The following SMCHD1 variants were observed in gnomAD, a reference collection of about 807,000 sequenced individuals.
The protein encoded by SMCHD1 is structural maintenance of chromosomes flexible hinge domain containing 1, also known as structural maintenance of chromosomes flexible hinge domain-containing protein 1.
Under a neutral mutation model 254.7 loss-of-function variants are expected in SMCHD1, and 78 were observed. That is an observed-to-expected ratio of 0.31 (90% CI 0.26 to 0.37). SMCHD1 has a LOEUF of 0.37. SMCHD1 is among the 10% of genes least tolerant of loss of function. SMCHD1 has a pLI of 1.00. For synonymous variants in SMCHD1, 766 were observed against 794.9 expected, an observed-to-expected ratio of 0.96 and a Z score of 0.61; for missense variants, 1,840 against 2,408.1, an observed-to-expected ratio of 0.76 and a Z score of 4.94.
intron 7 of SMCHD1, among the ~76,000 whole-genome samples, chr18:2,693,622 T>TTTTG (rs77752065): frequency 0.19 from 28,289 of 149,308 alleles, 2,849 homozygotes; most frequent in South Asian, 0.26. Flanking sequence ...ATACCATGTT[T>TTTTG]TTTGTTTGTT....
chr18:2,750,404 A>G lies in SMCHD1; in HGVS notation c.4062A>G (p.Gly1354=). 1.2e-6 allele frequency: 2 copies of G among 1,612,536 alleles called. No homozygotes were observed. Among genetic ancestry groups the G allele is most frequent in the Non-Finnish European group, 1.7e-6 (2 of 1,178,976 alleles). ...TCTATAACAAAAGTATCATAGAAGG[A>G]CCTATAATTAAGTTAATGATTCTTC... is the stretch of plus-strand genomic sequence containing the variant. ...KAIYNKSIIE[G]PIIKLMILPD... The change falls in exon 32 of 48, where the codon GGA becomes GGG. Residue 1354 remains glycine, a synonymous_variant. Transcript: ENST00000320876.
At position 2,707,573 on chromosome 18, in the gene SMCHD1, A is replaced by G. The variant is rs1459739939; in HGVS notation, c.2074A>G (p.Arg692Gly). The G allele has an allele frequency of 1.9e-6, 3 of 1,603,954 alleles. No homozygotes were observed. The highest frequency in any genetic ancestry group is 1.7e-6 in the Non-Finnish European group (2 of 1,174,104). The change falls in exon 16 of 48, where the codon AGA becomes GGA. Residue 692 changes from arginine to glycine, a missense_variant. Arg to Gly is a moderately radical substitution (Grantham distance 125, BLOSUM62 -2). Transcript: ENST00000320876. Reference sequence around the variant, plus strand: ...CTGGTTTCATAACAGGCTCCCTGATAGATTGTCAGTAACTTGGCCTGAAGG... The same window carrying G: ...CTGGTTTCATAACAGGCTCCCTGATGGATTGTCAGTAACTTGGCCTGAAGG... ...VEDEMARLPD[R>G]LSVTWPEGDE...
chr18:2,771,712 G>A, intron 40 of SMCHD1, 94 bp downstream of exon 40: 1 of 992,068 alleles, frequency 1.0e-6, no homozygotes, highest in Non-Finnish European at 1.4e-6. Context: ...TCTGAGTATT[G>A]TTGTTTTAGG....
intron 45 of SMCHD1, among the ~76,000 whole-genome samples, chr18:2,790,686 A>T (rs572866663): frequency 6.6e-5 from 10 of 152,316 alleles, no homozygotes; most frequent in Middle Eastern, 3.4e-3. Flanking sequence ...GCTTGAACCC[A>T]GGAGGCAGAG....
chr18:2,720,930 G>A (rs1354696252), intron 19 of SMCHD1, among the ~76,000 whole-genome samples: 1 of 152,106 alleles, frequency 6.6e-6, no homozygotes, highest in Non-Finnish European at 1.5e-5. Flanking sequence ...GACACTTTTA[G>A]TAGTGCTGTG....
intron 44 of SMCHD1, among the ~76,000 whole-genome samples, chr18:2,784,149 G>A (rs2076203309): frequency 6.6e-6 from 1 of 152,132 alleles, no homozygotes; most frequent in African/African-American, 2.4e-5. Flanking sequence ...ACTGCCATGG[G>A]TTCCAAAGCA....
chr18:2,767,887 G>A (rs1026753519), intron 37 of SMCHD1, among the ~76,000 whole-genome samples: 1 of 152,114 alleles, frequency 6.6e-6, no homozygotes, highest in Admixed American at 6.5e-5. Context: ...ACCACACCCA[G>A]CAGCATAACC....
intron 17 of SMCHD1, among the ~76,000 whole-genome samples, chr18:2,716,886 C>T (rs1188137963): frequency 1.3e-5 from 2 of 152,222 alleles, no homozygotes; most frequent in Non-Finnish European, 2.9e-5. Context: ...AACGTCCTGC[C>T]AGGGACAAAA....
intron 23 of SMCHD1, 58 bp downstream of exon 23, chr18:2,728,654 T>C (rs1436354069): frequency 6.5e-7 from 1 of 1,545,570 alleles, no homozygotes; most frequent in East Asian, 2.3e-5. Context: ...GCAATGACTA[T>C]TTTAGCCACT....
intron 42 of SMCHD1, among the ~76,000 whole-genome samples, chr18:2,776,932 G>T (rs1472747229): frequency 6.6e-6 from 1 of 152,056 alleles, no homozygotes; most frequent in African/African-American, 2.4e-5. Flanking sequence ...GTTTTCACTT[G>T]CCCAGGCTGG....
At chr18:2,775,077 T>A (rs951660643) in intron 41 of SMCHD1, among the ~76,000 whole-genome samples, 1 of 126,734 alleles carries the variant, frequency 7.9e-6, no homozygotes, top group African/African-American at 3.6e-5. Context: ...AATTTTTTTT[T>A]TTTTTTTTTT....
Position 2,662,128 on chromosome 18 carries a change from C to T in SMCHD1, c.187-4029C>T, listed in dbSNP as rs1172669410. 1.0e-4 allele frequency among the ~76,000 whole-genome samples: 14 copies of T among 135,194 alleles called. 1 individual carries two copies. Among genetic ancestry groups the T allele is most frequent in the East Asian group, 1.0e-3 (5 of 4,906 alleles). 88.7% of individuals were successfully genotyped at this position (135,194 alleles called of 152,430 possible). A position where few individuals can be genotyped will look rare whatever the true frequency, so the allele number is the denominator to read the frequency against. On this transcript the variant is annotated intron_variant, in intron 1 of 47. Transcript: ENST00000320876. ...GAGCCGAGATTGCGCCACTGCAGTCCGCAGTCCGGCCTGGGCGACAGAGCG... is the reference window on the plus strand; with the variant it reads ...GAGCCGAGATTGCGCCACTGCAGTCTGCAGTCCGGCCTGGGCGACAGAGCG...
At position 2,775,924 on chromosome 18, in the gene SMCHD1, G is replaced by C; in HGVS notation, c.5366G>C (p.Arg1789Thr). ...IYKKTLPDWK[R>T]SLPHFRNGKL... ...AAGAAGACTCTTCCAGATTGGAAAAGGTTAGAAAAAAGTGAAAGTAATTTT... is the reference window on the plus strand; with the variant it reads ...AAGAAGACTCTTCCAGATTGGAAAACGTTAGAAAAAAGTGAAAGTAATTTT... The change falls in exon 42 of 48, where the codon AGA (arginine) becomes ACA (threonine). Residue 1789 changes from arginine to threonine, a missense_variant and splice_region_variant. This residue lies in a region of SMCHD1 where 114 missense variants were observed against 217.6 expected (regional missense o/e 0.52). Coordinates refer to ENST00000320876, the MANE Select transcript of SMCHD1 (RefSeq NM_015295.3). 1.3e-6 allele frequency: 2 copies of C among 1,560,592 alleles called. No homozygotes were observed. The highest frequency in any genetic ancestry group is 1.7e-6 in the Non-Finnish European group (2 of 1,163,712).
intron 45 of SMCHD1, among the ~76,000 whole-genome samples, chr18:2,786,944 A>G (rs373763835): frequency 0.019 from 2,723 of 145,404 alleles, 41 homozygotes; most frequent in Middle Eastern, 0.11. Flanking sequence ...AATGAAATGT[A>G]CAATTTATTT....
At chr18:2,662,193 A>C (rs1311459703) in intron 1 of SMCHD1, among the ~76,000 whole-genome samples, 2 of 84,760 alleles carry the variant, frequency 2.4e-5, no homozygotes, top group African/African-American at 2.5e-4. Context: ...ATAAATAAAT[A>C]AATAAATAAA....
chr18:2,722,808 G>A (rs1320105099), intron 20 of SMCHD1, 145 bp downstream of exon 20: 1 of 664,926 alleles, frequency 1.5e-6, no homozygotes, highest in Non-Finnish European at 2.3e-6. Context: ...GGGTAATTTA[G>A]CTCCAAGCTA....
intron 5 of SMCHD1, among the ~76,000 whole-genome samples, chr18:2,678,221 C>CTT (rs201082772): frequency 2.4e-5 from 1 of 42,228 alleles, no homozygotes; most frequent in Non-Finnish European, 6.0e-5. Flanking sequence ...TTCTTTCTTT[C>CTT]TTTTTCTTTC....
At chr18:2,702,421 GACTGTT>G (rs2074423424) in intron 12 of SMCHD1, 1 of 151,852 alleles carries the variant, frequency 6.6e-6, no homozygotes, top group Non-Finnish European at 1.5e-5. Context: ...ATTGTACTTT[GACTGTT>G]ACTGAGTGTC....
intron 1 of SMCHD1, among the ~76,000 whole-genome samples, chr18:2,656,523 C>T (rs1254912833): frequency 1.3e-5 from 2 of 152,252 alleles, no homozygotes; most frequent in Non-Finnish European, 1.5e-5. Flanking sequence ...GAGGCCTTGC[C>T]GGCCCGGGTG....
Sources: gnomAD v4.1 joint callset for allele counts (sites outside exome capture counted in the v4.1 genomes callset) on GRCh38, gnomAD v4.1.1 for gene constraint, gnomAD v4.1.1 regional missense constraint, MANE v1.5 for transcripts, NCBI Gene and HGNC (gene_info 2026-07-23, HGNC 2026-07-21) for gene names.